Variants in MTHFS observed in about 807,000 individuals in gnomAD.
MTHFS encodes the protein 5-formyltetrahydrofolate cyclo-ligase.
A neutral mutation model predicts 12.7 loss-of-function variants in MTHFS; 7 were observed. The ratio of observed to expected loss-of-function variants is 0.55; its 90% CI spans 0.31 to 1.03. The LOEUF (loss-of-function observed/expected upper bound fraction) is 1.03, where lower values mean the gene tolerates loss of function less well. Ranked by LOEUF, MTHFS falls within the 50% of genes least tolerant of loss-of-function variation. The pLI, the probability that MTHFS is intolerant of heterozygous loss-of-function variation, is 0.05. For synonymous variants in MTHFS, 100 were observed against 97.1 expected (o/e 1.03, Z -0.18); for missense variants, 252 against 258.1 (o/e 0.98, Z 0.16).
intron 2 of MTHFS, among the ~76,000 whole-genome samples, chr15:79,888,345 GTT>G (rs2034415322): frequency 6.6e-6 from 1 of 152,170 alleles, no homozygotes; most frequent in African/African-American, 2.4e-5. Flanking sequence ...GTTAAGGAGG[GTT>G]TACTTCAATC....
upstream of MTHFS, chr15:79,897,094 T>G (rs892153233): frequency 3.4e-5 from 38 of 1,126,776 alleles, no homozygotes; most frequent in Non-Finnish European, 3.9e-5. Flanking sequence ...TAGGGGCGGG[T>G]CGGGGCTCGG....
intron 1 of MTHFS, among the ~76,000 whole-genome samples, chr15:79,894,252 G>A (rs1029549325): frequency 5.9e-5 from 9 of 152,022 alleles, no homozygotes; most frequent in Admixed American, 2.0e-4. Context: ...ATGGCGGCAC[G>A]TGCCTGTAAT....
chr15:79,896,963 G>T lies in MTHFS; in HGVS notation c.26C>A (p.Ala9Asp). Residue 9 changes from alanine to aspartate, a missense_variant, in exon 1 of 3, where the codon GCC becomes GAC. Ala to Asp is a moderately radical substitution (Grantham distance 126). Transcript: ENST00000258874. MAAAAVSSAKRSLRGELKQ... is the reference protein window; with the variant it reads MAAAAVSSDKRSLRGELKQ... ...CAGCTCTCCCCGCAGGCTCCGCTTGGCGCTGCTCACCGCTGCCGCCGCCAT... is the reference window on the plus strand; with the variant it reads ...CAGCTCTCCCCGCAGGCTCCGCTTGTCGCTGCTCACCGCTGCCGCCGCCAT... 1 of 1,534,270 alleles carries T rather than the reference G, an allele frequency of 6.5e-7. No individual in the cohort carries two copies.
intron 2 of MTHFS, among the ~76,000 whole-genome samples, chr15:79,852,468 A>T (rs1011492334): frequency 2.0e-5 from 3 of 152,210 alleles, no homozygotes; most frequent in Admixed American, 6.5e-5. Flanking sequence ...AATTTTTAAA[A>T]ATTACATTGT....
At chr15:79,876,752 G>A (rs2034203779) in intron 2 of MTHFS, 1 of 151,252 alleles carries the variant, frequency 6.6e-6, no homozygotes, top group Non-Finnish European at 1.5e-5. Context: ...CAGTTGAAAA[G>A]TTCAACAACT....
intron 2 of MTHFS, among the ~76,000 whole-genome samples, chr15:79,888,469 G>A (rs1489188151): frequency 6.6e-6 from 1 of 152,224 alleles, no homozygotes; most frequent in Non-Finnish European, 1.5e-5. Context: ...AGAGGAAGGA[G>A]AGGATGCAAG....
chr15:79,860,676 AT>A (rs5813996), intron 2 of MTHFS, among the ~76,000 whole-genome samples: 150,856 of 151,758 alleles, frequency 0.99, 74,985 homozygotes, highest in Non-Finnish European at 1. Flanking sequence ...AAATTTAAGG[AT>A]TTTTTTTTTG....
chr15:79,893,889 G>A (rs1359050173), intron 1 of MTHFS, among the ~76,000 whole-genome samples: 6 of 152,052 alleles, frequency 3.9e-5, no homozygotes, highest in Non-Finnish European at 8.8e-5. Flanking sequence ...TTACTTCTCT[G>A]ATAAATTTCT....
intron 2 of MTHFS, 50 bp from the exon 3 acceptor site, chr15:79,845,492 C>A (rs767721555): frequency 1.3e-6 from 2 of 1,581,026 alleles, no homozygotes; most frequent in South Asian, 2.3e-5. Flanking sequence ...TCTGAAAGAT[C>A]ATTTCAGGAT....
chr15:79,892,328 G>T (rs1408002787), intron 1 of MTHFS, among the ~76,000 whole-genome samples: 1 of 152,112 alleles, frequency 6.6e-6, no homozygotes, highest in Non-Finnish European at 1.5e-5. Context: ...GCAAGGGGCT[G>T]GAGTGTTTTC....
chr15:79,886,182 A>C (rs1465610530), intron 2 of MTHFS, among the ~76,000 whole-genome samples: 1 of 152,260 alleles, frequency 6.6e-6, no homozygotes, highest in East Asian at 1.9e-4. Flanking sequence ...TAATGTGAGC[A>C]AACAAGAAAG....
intron 2 of MTHFS, among the ~76,000 whole-genome samples, chr15:79,857,722 C>T (rs2033835578): frequency 6.6e-6 from 1 of 152,056 alleles, no homozygotes; most frequent in African/African-American, 2.4e-5. Flanking sequence ...GAAACTTGCT[C>T]TTAAAACCCA....
At chr15:79,888,560 A>G (rs2034418511) in intron 2 of MTHFS, among the ~76,000 whole-genome samples, 1 of 152,246 alleles carries the variant, frequency 6.6e-6, no homozygotes, top group African/African-American at 2.4e-5. Flanking sequence ...CAGTAGTAGC[A>G]GTGGGTTGGA....
chr15:79,881,660 T>G (rs373043998), intron 2 of MTHFS, among the ~76,000 whole-genome samples: 8 of 152,064 alleles, frequency 5.3e-5, no homozygotes, highest in African/African-American at 1.7e-4. Context: ...TGGGAAAATA[T>G]GACAATGTTC....
At chr15:79,867,731 T>C (rs1284559498) in intron 2 of MTHFS, among the ~76,000 whole-genome samples, 1 of 152,152 alleles carries the variant, frequency 6.6e-6, no homozygotes, top group Non-Finnish European at 1.5e-5. Flanking sequence ...ACTAAGATAA[T>C]GTTTTAGAGA....
At chr15:79,892,398 A>G (rs2586181) in intron 1 of MTHFS, among the ~76,000 whole-genome samples, 129,181 of 152,102 alleles carry the variant, frequency 0.85, 55,347 homozygotes, top group East Asian at 1. Context: ...TAAGATAAAC[A>G]CATATTCTTG....
chr15:79,882,362 C>CT (rs2034310328), intron 2 of MTHFS, among the ~76,000 whole-genome samples: 1 of 152,162 alleles, frequency 6.6e-6, no homozygotes, highest in Non-Finnish European at 1.5e-5. Flanking sequence ...AAATAAATGT[C>CT]TGTTATTTAA....
intron 2 of MTHFS, among the ~76,000 whole-genome samples, chr15:79,865,626 G>A (rs1308974811): frequency 6.6e-6 from 1 of 152,126 alleles, no homozygotes; most frequent in Non-Finnish European, 1.5e-5. Context: ...CTGATTTAAC[G>A]AGGAAGACCA....
At chr15:79,851,361 G>A (rs2033714168) in intron 2 of MTHFS, among the ~76,000 whole-genome samples, 1 of 151,860 alleles carries the variant, frequency 6.6e-6, no homozygotes, top group African/African-American at 2.4e-5. Flanking sequence ...TGTTTACCGT[G>A]AAAAAAAGAA....
Sources: allele counts gnomAD v4.1 joint callset (sites outside exome capture counted in the v4.1 genomes callset), GRCh38; gene constraint gnomAD v4.1.1; transcripts MANE v1.5; gene names NCBI Gene and HGNC (gene_info 2026-07-23, HGNC 2026-07-21).